Variants in GPM6A observed in about 807,000 individuals in gnomAD.
GPM6A encodes the protein neuronal membrane glycoprotein M6-a.
A neutral mutation model predicts 32.1 loss-of-function variants in GPM6A; 7 were observed. That is an observed-to-expected ratio of 0.22 (90% CI 0.12 to 0.41). The LOEUF (loss-of-function observed/expected upper bound fraction) is 0.41. Among genes scored for constraint, GPM6A ranks in the 10% least tolerant of loss-of-function variants. GPM6A has a pLI of 1.00. For missense variants in GPM6A, 235 were observed against 347.2 expected, an observed-to-expected ratio of 0.68 and a Z score of 2.57; for synonymous variants, 130 against 123.4, an observed-to-expected ratio of 1.05 and a Z score of -0.35.
intron 3 of GPM6A, among the ~76,000 whole-genome samples, chr4:175,669,590 T>A (rs1742939623): frequency 6.6e-6 from 1 of 152,214 alleles, no homozygotes; most frequent in Non-Finnish European, 1.5e-5. Context: ...CTTTTATGTT[T>A]CTTTATCTCT....
At chr4:175,667,991 C>G (rs567382417) in intron 3 of GPM6A, among the ~76,000 whole-genome samples, 14 of 152,186 alleles carry the variant, frequency 9.2e-5, no homozygotes, top group Middle Eastern at 3.4e-3. Context: ...AACTTTTTAT[C>G]AATTTTCCAT....
At chr4:175,845,039 T>C (rs1267997286) in intron 1 of GPM6A, among the ~76,000 whole-genome samples, 1 of 152,164 alleles carries the variant, frequency 6.6e-6, no homozygotes, top group Non-Finnish European at 1.5e-5. Context: ...CTCTTCTTTT[T>C]CTAAAGTCAG....
At chr4:175,990,345 G>A (rs953578200) in intron 1 of GPM6A, among the ~76,000 whole-genome samples, 4 of 152,108 alleles carry the variant, frequency 2.6e-5, no homozygotes, top group Non-Finnish European at 5.9e-5. Flanking sequence ...CTTGATGACT[G>A]CAGCCTCCAT....
intron 1 of GPM6A, among the ~76,000 whole-genome samples, chr4:175,991,129 A>G (rs887989284): frequency 6.8e-6 from 1 of 146,938 alleles, no homozygotes; most frequent in Admixed American, 6.8e-5. Context: ...GGAGTGCAGT[A>G]GCATGATCTC....
chr4:175,970,207 G>A (rs532055542), intron 1 of GPM6A, among the ~76,000 whole-genome samples: 7 of 152,196 alleles, frequency 4.6e-5, no homozygotes, highest in South Asian at 4.2e-4. Flanking sequence ...TGTTTTCACC[G>A]GAAATCTGAT....
chr4:175,795,317 C>T (rs1248428745), intron 1 of GPM6A, among the ~76,000 whole-genome samples: 1 of 152,184 alleles, frequency 6.6e-6, no homozygotes, highest in East Asian at 1.9e-4. Context: ...TCTTCGAAGG[C>T]ACTCAATAAT....
At chr4:175,705,594 C>T (rs756325517) in intron 1 of GPM6A, among the ~76,000 whole-genome samples, 1 of 152,114 alleles carries the variant, frequency 6.6e-6, no homozygotes. Flanking sequence ...GGCAGGGGAG[C>T]TTCTTTCCAC....
intron 1 of GPM6A, among the ~76,000 whole-genome samples, chr4:175,778,559 A>G (rs1237552654): frequency 3.0e-5 from 4 of 134,454 alleles, no homozygotes; most frequent in African/African-American, 1.1e-4. Context: ...TGGGAGGTGG[A>G]GGTTGCAGTG....
At chr4:175,837,635 A>G (rs534000362) in intron 1 of GPM6A, among the ~76,000 whole-genome samples, 2 of 152,324 alleles carry the variant, frequency 1.3e-5, no homozygotes, top group South Asian at 4.1e-4. Context: ...GGCTGGCACC[A>G]GGGTTCTAAG....
chr4:175,722,076 C>A (rs1746161784), intron 1 of GPM6A, among the ~76,000 whole-genome samples: 1 of 151,924 alleles, frequency 6.6e-6, no homozygotes, highest in African/African-American at 2.4e-5. Context: ...TGCTTGAGTC[C>A]AGGAGTTTGA....
intron 2 of GPM6A, among the ~76,000 whole-genome samples, chr4:175,686,192 ATGAACCT>A (rs2111022219): frequency 6.6e-6 from 1 of 152,302 alleles, no homozygotes; most frequent in South Asian, 2.1e-4. Flanking sequence ...AAGAGCGAAA[ATGAACCT>A]TGATTACTGT....
intron 1 of GPM6A, among the ~76,000 whole-genome samples, chr4:175,901,098 G>C (rs1737949434): frequency 6.6e-6 from 1 of 151,552 alleles, no homozygotes; most frequent in Admixed American, 6.6e-5. Context: ...TGGACATAGA[G>C]AGTGGAGAAT....
intron 3 of GPM6A, among the ~76,000 whole-genome samples, chr4:175,661,096 A>G (rs940002639): frequency 6.6e-6 from 1 of 152,246 alleles, no homozygotes; most frequent in Non-Finnish European, 1.5e-5. Context: ...TAACTCTGAT[A>G]AAAACACTAG....
At chr4:175,829,083 A>C (rs931652970) in intron 1 of GPM6A, among the ~76,000 whole-genome samples, 4 of 152,212 alleles carry the variant, frequency 2.6e-5, no homozygotes, top group African/African-American at 9.6e-5. Flanking sequence ...GCCAGCGTGC[A>C]GCATGTCTGG....
At chr4:175,986,697 G>A (rs181683240) in intron 1 of GPM6A, among the ~76,000 whole-genome samples, 5 of 152,152 alleles carry the variant, frequency 3.3e-5, no homozygotes, top group African/African-American at 9.6e-5. Context: ...TAGAATGATC[G>A]TTTTAAGTGA....
chr4:175,640,125 T>C lies in GPM6A; in HGVS notation c.684+4A>G. On this transcript the variant is annotated splice_donor_region_variant and intron_variant, in intron 6 of 6. Coordinates refer to ENST00000393658, the MANE Select transcript of GPM6A (RefSeq NM_201591.3). ...AACCAAGCACCAGCGCTTTGAGGTC[T>C]TACCATAGCAATGACTGCTGCCCCA... 1 of 1,610,378 alleles carries C rather than the reference T, an allele frequency of 6.2e-7. No individual in the cohort carries two copies. Among genetic ancestry groups the C allele is most frequent in the Non-Finnish European group, 8.5e-7 (1 of 1,176,612 alleles).
intron 1 of GPM6A, among the ~76,000 whole-genome samples, chr4:175,810,678 G>A (rs1204187673): frequency 6.6e-6 from 1 of 152,120 alleles, no homozygotes; most frequent in Non-Finnish European, 1.5e-5. Flanking sequence ...TATTTAAAAT[G>A]CTGTTTATCT....
At chr4:175,786,361 C>T (rs1363528655) in intron 1 of GPM6A, among the ~76,000 whole-genome samples, 2 of 150,520 alleles carry the variant, frequency 1.3e-5, no homozygotes, top group Admixed American at 6.6e-5. Flanking sequence ...TCCAAATTAC[C>T]CTTCTTCTCT....
chr4:175,999,268 T>C (rs1561029205), intron 1 of GPM6A, among the ~76,000 whole-genome samples: 2 of 152,348 alleles, frequency 1.3e-5, no homozygotes, highest in South Asian at 4.1e-4. Context: ...ATCTTTCCAA[T>C]GGGGCCTGAA....
Sources: allele counts gnomAD v4.1 joint callset (sites outside exome capture counted in the v4.1 genomes callset), GRCh38; gene constraint gnomAD v4.1.1; transcripts MANE v1.5; gene names NCBI Gene and HGNC (gene_info 2026-07-23, HGNC 2026-07-21).